Variants in C4orf36 observed in about 807,000 individuals in gnomAD.
C4orf36 encodes uncharacterized protein C4orf36.
In C4orf36, 11 loss-of-function variants were observed where a neutral mutation model predicts 12.2. That is an observed-to-expected ratio of 0.90 (90% confidence interval 0.57 to 1.49). The LOEUF (loss-of-function observed/expected upper bound fraction) is 1.49. Ranked by LOEUF, C4orf36 falls within the 40% of genes most tolerant of loss-of-function variation. The pLI is 0.00. For synonymous variants in C4orf36, 54 were observed against 51.3 expected (o/e 1.05, Z -0.22); for missense variants, 137 against 133.9 (o/e 1.02, Z -0.11).
At chr4:86,900,989 T>C in the C4orf36 span, among the ~76,000 whole-genome samples, 1 of 151,334 alleles carries the variant, frequency 6.6e-6, no homozygotes, top group African/African-American at 2.4e-5. Context: ...TGGTTCCTTT[T>C]TTTTTTTTTT....
the C4orf36 span, chr4:86,914,807 G>T: frequency 2.2e-6 from 1 of 458,922 alleles, no homozygotes. Context: ...AAAAACTGGT[G>T]CAGTGACATT....
At chr4:86,890,697 G>A (rs1027443063) in intron 2 of C4orf36, among the ~76,000 whole-genome samples, 1 of 152,104 alleles carries the variant, frequency 6.6e-6, no homozygotes, top group Non-Finnish European at 1.5e-5. Flanking sequence ...AAATTCAGCT[G>A]ATGCCTAATC....
At chr4:86,914,391 CTTTTTTTTTTTTTT>C in the C4orf36 span, 71 of 327,830 alleles carry the variant, frequency 2.2e-4, no homozygotes, top group Non-Finnish European at 3.3e-4. Flanking sequence ...CTTCTTCTTC[CTTTTTTTTTTTTTT>C]TTTTTTTTTT....
At chr4:86,908,452 C>T in the C4orf36 span, among the ~76,000 whole-genome samples, 6 of 141,800 alleles carry the variant, frequency 4.2e-5, no homozygotes, top group South Asian at 4.4e-4. Flanking sequence ...TCAACAGTGT[C>T]TTTTTTTTTT....
the C4orf36 span, among the ~76,000 whole-genome samples, chr4:86,902,612 C>A: frequency 6.6e-6 from 1 of 152,010 alleles, no homozygotes; most frequent in Non-Finnish European, 1.5e-5. Context: ...AATACACCAC[C>A]ACCTGCCTTT....
chr4:86,904,216 C>T, the C4orf36 span, among the ~76,000 whole-genome samples: 10 of 152,312 alleles, frequency 6.6e-5, no homozygotes, highest in East Asian at 1.5e-3. Context: ...CGGGGCCAGC[C>T]GAGCCTGCGC....
chr4:86,894,149 G>A (rs796744807), upstream of C4orf36, among the ~76,000 whole-genome samples: 61 of 152,088 alleles, frequency 4.0e-4, no homozygotes, highest in African/African-American at 1.4e-3. Flanking sequence ...CGCCCACCTC[G>A]GCCTCCCAAA....
chr4:86,922,023 T>C, the C4orf36 span, among the ~76,000 whole-genome samples: 7 of 152,220 alleles, frequency 4.6e-5, no homozygotes, highest in Non-Finnish European at 8.8e-5. Flanking sequence ...TGAATATGTG[T>C]GATAGGTTTT....
At position 86,891,543 on chromosome 4, in the gene C4orf36, T is replaced by G; in HGVS notation, c.-23A>C. 2.5e-6 allele frequency: 4 copies of G among 1,614,058 alleles called. No individual in the cohort carries two copies. Among genetic ancestry groups the G allele is most frequent in the South Asian group, 1.1e-5 (1 of 91,040 alleles). On this transcript the variant is annotated 5_prime_UTR_variant, in exon 2 of 5. Coordinates refer to ENST00000295898, the MANE Select transcript of C4orf36 (RefSeq NM_144645.4). ...CATGGTGAGTTATTACGGTATGATT[T>G]CGTTACATAGGTGCCTGATGGAATG... is the stretch of plus-strand genomic sequence containing the variant.
At chr4:86,930,258 A>G in the C4orf36 span, among the ~76,000 whole-genome samples, 1 of 152,244 alleles carries the variant, frequency 6.6e-6, no homozygotes, top group African/African-American at 2.4e-5. Flanking sequence ...AACTGTCAGC[A>G]TGAAAACCCC....
chr4:86,876,205 T>C lies in C4orf36; in HGVS notation c.*241A>G, dbSNP rs1382330068. 5.4e-6 allele frequency: 2 copies of C among 369,608 alleles called. No individual in the cohort carries two copies. The highest frequency in any genetic ancestry group is 4.2e-5 in the African/African-American group (2 of 47,666). The allele number at this position is 369,608 out of a possible 1,614,324, so 22.9% of individuals were successfully genotyped here. ...AATAAATAAATAAATAAAAATAATA[T>C]AAAATAAAATACATTTATAACTGGC... On this transcript the variant is annotated 3_prime_UTR_variant, in exon 5 of 5. Transcript: ENST00000295898.
the C4orf36 span, among the ~76,000 whole-genome samples, chr4:86,924,186 G>A: frequency 1.3e-5 from 2 of 151,980 alleles, no homozygotes; most frequent in African/African-American, 2.4e-5. Flanking sequence ...GACCATAGGC[G>A]CATGCCACCA....
chr4:86,932,532 C>G, the C4orf36 span, among the ~76,000 whole-genome samples: 1 of 151,906 alleles, frequency 6.6e-6, no homozygotes, highest in Non-Finnish European at 1.5e-5. Context: ...TGTTGTGATG[C>G]TGGGCACATT....
the C4orf36 span, among the ~76,000 whole-genome samples, chr4:86,898,345 T>C: frequency 6.6e-5 from 10 of 151,730 alleles, no homozygotes; most frequent in African/African-American, 1.9e-4. Flanking sequence ...TGAGCCGAGA[T>C]CATGCCACTG....
the C4orf36 span, among the ~76,000 whole-genome samples, chr4:86,905,527 TG>T: frequency 6.6e-6 from 1 of 152,088 alleles, no homozygotes; most frequent in Non-Finnish European, 1.5e-5. Flanking sequence ...CACTCTAGCT[TG>T]GGTGACAGAG....
intron 2 of C4orf36, among the ~76,000 whole-genome samples, chr4:86,889,373 A>G (rs1483242947): frequency 6.6e-6 from 1 of 152,120 alleles, no homozygotes; most frequent in Non-Finnish European, 1.5e-5. Context: ...AAAAAATGGA[A>G]ATAATCTTAA....
At chr4:86,897,791 G>T in the C4orf36 span, among the ~76,000 whole-genome samples, 1 of 152,160 alleles carries the variant, frequency 6.6e-6, no homozygotes, top group African/African-American at 2.4e-5. Flanking sequence ...ATCCTCTGCA[G>T]AGCTGGAGTA....
the C4orf36 span, chr4:86,935,033 G>C: frequency 3.3e-5 from 5 of 151,878 alleles, no homozygotes; most frequent in Admixed American, 2.0e-4. Context: ...AGCGACGGGC[G>C]CGCGCGGCCC....
Position 86,887,790 on chromosome 4 carries a change from G to A in C4orf36, c.324C>T (p.Ala108=), listed in dbSNP as rs905349065. 3.7e-6 allele frequency: 6 copies of A among 1,614,170 alleles called. No individual in the cohort carries two copies. Among genetic ancestry groups the A allele is most frequent in the Non-Finnish European group, 5.1e-6 (6 of 1,180,040 alleles). The change falls in exon 4 of 5, where the codon GCC becomes GCT. Residue 108 remains alanine (A), a synonymous_variant. Coordinates refer to ENST00000295898, the MANE Select transcript of C4orf36 (RefSeq NM_144645.4). ...EIQLLLRERP[A]GLRRPLPSK is the part of the protein sequence containing the mutation. Reference sequence around the variant, plus strand: ...TAGATGGAAGAGGTCTTCTCAAACCGGCTGGCCTTTCCCTCAGGAGAAGCT... The same window carrying A: ...TAGATGGAAGAGGTCTTCTCAAACCAGCTGGCCTTTCCCTCAGGAGAAGCT...
Sources: gnomAD v4.1 joint callset for allele counts (sites outside exome capture counted in the v4.1 genomes callset) on GRCh38, gnomAD v4.1.1 for gene constraint, MANE v1.5 for transcripts, NCBI Gene and HGNC (gene_info 2026-07-23, HGNC 2026-07-21) for gene names.